TRAT1: variants seen among roughly 807,000 people sequenced by gnomAD.
TRAT1 encodes the protein T-cell receptor-associated transmembrane adapter 1.
Under a neutral mutation model 20.0 loss-of-function variants are expected in TRAT1, and 20 were observed. The observed-to-expected ratio is 1.00, with a 90% CI of 0.70 to 1.45. The LOEUF (loss-of-function observed/expected upper bound fraction) is 1.45. Ranked by LOEUF, TRAT1 falls within the 40% of genes most tolerant of loss-of-function variation. The probability of loss-of-function intolerance (pLI) is 0.00; values close to 1 mark genes in which losing one functional copy is unlikely to be tolerated. For missense variants in TRAT1, 237 were observed against 224.1 expected (o/e 1.06, Z -0.37); for synonymous variants, 77 against 74.2 (o/e 1.04, Z -0.20).
intron 1 of TRAT1, among the ~76,000 whole-genome samples, chr3:108,823,391 T>C (rs1945709917): frequency 6.6e-6 from 1 of 152,190 alleles, no homozygotes. Flanking sequence ...AAAATTCAAT[T>C]GCTGTGAGAT....
rs140610527 is a variant in TRAT1 at position 108,832,290 on chromosome 3, C to T, written c.118+1510C>T. 1.1e-3 allele frequency among the ~76,000 whole-genome samples: 168 copies of T among 152,242 alleles called. 1 individual carries two copies. The highest frequency in any genetic ancestry group is 3.9e-3 in the African/African-American group (163 of 41,542). ...TGACCAGTTGTCCTCAGCCAGAAAC[C>T]CAACACTCTTTTTGGATCTCTATTA... On this transcript the variant is annotated intron_variant, in intron 2 of 5. Transcript: ENST00000295756.
Position 108,842,642 on chromosome 3 carries a change from C to T in TRAT1, c.152+3675C>T, listed in dbSNP as rs141893357. Among the ~76,000 whole-genome samples the T allele has an allele frequency of 2.3e-3, 348 of 152,306 alleles. 1 individual carries two copies. Among genetic ancestry groups the T allele is most frequent in the African/African-American group, 8.0e-3 (331 of 41,576 alleles). On this transcript the variant is annotated intron_variant, in intron 3 of 5. Transcript: ENST00000295756. ...CAATTCTGAGAATTTCGGGGTTCCC[C>T]AAACCTTATTCTTGGCTGCCCCCTT...
At chr3:108,829,604 C>CAG (rs1553726418) in intron 1 of TRAT1, among the ~76,000 whole-genome samples, 2 of 151,752 alleles carry the variant, frequency 1.3e-5, no homozygotes, top group African/African-American at 2.4e-5. Context: ...CACACACACA[C>CAG]ACACACACAC....
chr3:108,837,742 C>T (rs1945852267), intron 2 of TRAT1, among the ~76,000 whole-genome samples: 1 of 152,024 alleles, frequency 6.6e-6, no homozygotes. Context: ...ATAAGCCATT[C>T]AAATATAATA....
At chr3:108,853,470 T>C (rs1946015555) in intron 5 of TRAT1, 150 bp from the exon 6 acceptor site, 1 of 843,130 alleles carries the variant, frequency 1.2e-6, no homozygotes, top group Non-Finnish European at 1.9e-6. Flanking sequence ...TTCTGTTTTT[T>C]GTTTTTGTTT....
At chr3:108,830,133 C>G (rs1330612155) in intron 1 of TRAT1, among the ~76,000 whole-genome samples, 1 of 152,162 alleles carries the variant, frequency 6.6e-6, no homozygotes, top group African/African-American at 2.4e-5. Context: ...ACTTTACATT[C>G]ATGGGGCTCT....
At position 108,838,974 on chromosome 3, in the gene TRAT1, T is replaced by A. The variant is rs760507972; in HGVS notation, c.152+7T>A. On this transcript the variant is annotated splice_region_variant and intron_variant, in intron 3 of 5. Coordinates refer to ENST00000295756, the MANE Select transcript of TRAT1 (RefSeq NM_016388.4). ...ACTCCAGTGACCACACCAGGTATGT[T>A]GTGATTCAGTCATGGATCATGATTC... 10 of 1,595,718 alleles carry A rather than the reference T, an allele frequency of 6.3e-6. No individual in the cohort carries two copies. In the South Asian group the frequency reaches 1.1e-4, roughly 18 times the overall value.
intron 3 of TRAT1, 169 bp downstream of exon 3, chr3:108,839,136 A>G (rs1945868331): frequency 1.0e-5 from 6 of 598,996 alleles, no homozygotes; most frequent in South Asian, 6.4e-5. Flanking sequence ...CTATAACATT[A>G]TTATCTGTCC....
intron 1 of TRAT1, among the ~76,000 whole-genome samples, chr3:108,826,699 C>A (rs1945742856): frequency 6.6e-6 from 1 of 152,020 alleles, no homozygotes; most frequent in Non-Finnish European, 1.5e-5. Context: ...TCATGGAATG[C>A]AAAAAGACGT....
intron 3 of TRAT1, among the ~76,000 whole-genome samples, chr3:108,845,771 G>T (rs1945937079): frequency 6.6e-6 from 1 of 151,762 alleles, no homozygotes. Flanking sequence ...AGTTAAAGCA[G>T]TCGGTACTAT....
At chr3:108,828,449 T>C (rs1576517630) in intron 1 of TRAT1, among the ~76,000 whole-genome samples, 1 of 152,244 alleles carries the variant, frequency 6.6e-6, no homozygotes, top group South Asian at 2.1e-4. Context: ...AAAATGAGTA[T>C]CATAAAGCCC....
intron 1 of TRAT1, among the ~76,000 whole-genome samples, chr3:108,826,597 C>A (rs1305131195): frequency 6.6e-6 from 1 of 152,074 alleles, no homozygotes. Flanking sequence ...CCAACCACCA[C>A]CATGGTAAGA....
intron 5 of TRAT1, among the ~76,000 whole-genome samples, chr3:108,852,175 G>T (rs1287443389): frequency 6.6e-6 from 1 of 152,304 alleles, no homozygotes. Context: ...GAGATCAAGT[G>T]TTCAAGACCA....
intron 2 of TRAT1, among the ~76,000 whole-genome samples, chr3:108,837,885 A>G (rs1339291019): frequency 2.0e-5 from 3 of 152,318 alleles, no homozygotes; most frequent in East Asian, 3.9e-4. Flanking sequence ...TCAATAATTC[A>G]TCATGAATCT....
rs918994612 is a variant in TRAT1 at position 108,847,886 on chromosome 3, A to G, written c.214+757A>G. Among the ~76,000 whole-genome samples the G allele has an allele frequency of 2.0e-5, 3 of 152,230 alleles. No homozygotes were observed. In the East Asian group the frequency reaches 5.8e-4, roughly 29 times the overall value. ...AGACATCCAGTAATGTAGGAAATTT[A>G]TCTAAAAATCTATATATTAAAACAG... On this transcript the variant is annotated intron_variant, in intron 4 of 5. Coordinates refer to ENST00000295756, the MANE Select transcript of TRAT1 (RefSeq NM_016388.4).
chr3:108,825,212 C>T (rs193030791), intron 1 of TRAT1, among the ~76,000 whole-genome samples: 263 of 152,080 alleles, frequency 1.7e-3, no homozygotes, highest in Non-Finnish European at 1.0e-3. Flanking sequence ...AGTAAAACTA[C>T]GTATGAAAAC....
intron 2 of TRAT1, among the ~76,000 whole-genome samples, chr3:108,833,514 T>C (rs1945813445): frequency 6.6e-6 from 1 of 152,192 alleles, no homozygotes; most frequent in Non-Finnish European, 1.5e-5. Flanking sequence ...GCCCCAAGCA[T>C]GCCATAAGCA....
intron 1 of TRAT1, among the ~76,000 whole-genome samples, chr3:108,826,511 G>A (rs1236747538): frequency 6.6e-6 from 1 of 152,050 alleles, no homozygotes; most frequent in African/African-American, 2.4e-5. Flanking sequence ...TGGGATGATG[G>A]GTAGTGGTTG....
At chr3:108,836,443 C>A (rs1358874065) in intron 2 of TRAT1, among the ~76,000 whole-genome samples, 1 of 152,098 alleles carries the variant, frequency 6.6e-6, no homozygotes, top group Non-Finnish European at 1.5e-5. Flanking sequence ...CAAATTAATG[C>A]TCAGCTGGTG....
Sources: allele counts gnomAD v4.1 joint callset (sites outside exome capture counted in the v4.1 genomes callset), GRCh38; gene constraint gnomAD v4.1.1; transcripts MANE v1.5; gene names NCBI Gene and HGNC (gene_info 2026-07-23, HGNC 2026-07-21).